STK32C: variants seen among roughly 807,000 people sequenced by gnomAD.
STK32C encodes the protein serine/threonine kinase 32C.
A neutral mutation model predicts 56.5 loss-of-function variants in STK32C; 31 were observed. That is an observed-to-expected ratio of 0.55 (90% CI 0.41 to 0.74). STK32C has a LOEUF of 0.74. STK32C is among the 30% of genes least tolerant of loss of function. The probability of loss-of-function intolerance (pLI) is 0.00; values close to 1 mark genes in which losing one functional copy is unlikely to be tolerated. For synonymous variants in STK32C, 309 were observed against 289.4 expected (o/e 1.07, Z -0.69); for missense variants, 544 against 676.9 (o/e 0.80, Z 2.18).
intron 1 of STK32C, chr10:132,249,003 C>A: frequency 2.2e-6 from 1 of 463,698 alleles, no homozygotes; most frequent in Non-Finnish European, 4.3e-6. Context: ...GGAGTCACGG[C>A]AATTGGGTCA....
intron 2 of STK32C, among the ~76,000 whole-genome samples, chr10:132,238,051 T>C (rs1173018401): frequency 6.6e-6 from 1 of 151,900 alleles, no homozygotes; most frequent in Admixed American, 6.6e-5. Context: ...AGGCAGCTGC[T>C]AAGCTGGGCC....
chr10:132,226,719 T>G (rs2062905460), intron 4 of STK32C, 76 bp downstream of exon 4: 3 of 1,540,162 alleles, frequency 1.9e-6, no homozygotes, highest in Non-Finnish European at 2.6e-6. Context: ...ACGGCCGCCG[T>G]GCCGGCAGCC....
chr10:132,227,481 G>A (rs535830532), intron 3 of STK32C, among the ~76,000 whole-genome samples: 3 of 152,202 alleles, frequency 2.0e-5, no homozygotes, highest in Admixed American at 6.5e-5. Context: ...GGGTGGTGGT[G>A]ATGGTGATAA....
intron 1 of STK32C, among the ~76,000 whole-genome samples, chr10:132,278,861 A>G (rs1382704367): frequency 6.6e-6 from 1 of 152,196 alleles, no homozygotes; most frequent in Non-Finnish European, 1.5e-5. Flanking sequence ...GAACTTATAC[A>G]GATTATTGAG....
At position 132,227,241 on chromosome 10, in the gene STK32C, T is replaced by A. The variant is rs188929120; in HGVS notation, c.471-273A>T. Among the ~76,000 whole-genome samples the A allele has an allele frequency of 5.9e-5, 9 of 152,368 alleles. No individual in the cohort carries two copies. In the East Asian group the frequency reaches 1.7e-3, roughly 29 times the overall value. ...GGGAGTGGCAAATGCAGAGCAGAGCTACAGTGCCAGCTCCGGGTGCTTCAG... is the reference window on the plus strand; with the variant it reads ...GGGAGTGGCAAATGCAGAGCAGAGCAACAGTGCCAGCTCCGGGTGCTTCAG... On this transcript the variant is annotated intron_variant, in intron 3 of 11. Transcript: ENST00000298630.
chr10:132,278,893 G>C (rs939942065), intron 1 of STK32C, among the ~76,000 whole-genome samples: 1 of 152,110 alleles, frequency 6.6e-6, no homozygotes, highest in African/African-American at 2.4e-5. Flanking sequence ...AACAGGAGAC[G>C]GGGCAGAGGC....
At chr10:132,225,027 G>C (rs533637770) in intron 7 of STK32C, among the ~76,000 whole-genome samples, 3 of 152,206 alleles carry the variant, frequency 2.0e-5, no homozygotes, top group Non-Finnish European at 2.9e-5. Flanking sequence ...CAGCGGCCCC[G>C]GGAAACCACA....
At chr10:132,279,727 A>G (rs571063062) in intron 1 of STK32C, among the ~76,000 whole-genome samples, 50 of 151,194 alleles carry the variant, frequency 3.3e-4, no homozygotes, top group South Asian at 1.0e-3. Flanking sequence ...CTCCCTGATC[A>G]CACCACTGCA....
intron 1 of STK32C, among the ~76,000 whole-genome samples, chr10:132,301,523 C>A (rs2065910443): frequency 6.6e-6 from 1 of 152,198 alleles, no homozygotes; most frequent in South Asian, 2.1e-4. Context: ...CAAGGCCCCG[C>A]AGTGGGCTCG....
chr10:132,237,544 C>T (rs1327480698), intron 2 of STK32C, among the ~76,000 whole-genome samples: 1 of 152,290 alleles, frequency 6.6e-6, no homozygotes, highest in African/African-American at 2.4e-5. Context: ...CCTTCCTAAG[C>T]AGACTCTGCG....
chr10:132,215,045 G>A (rs554279427), intron 10 of STK32C, among the ~76,000 whole-genome samples: 10 of 152,258 alleles, frequency 6.6e-5, no homozygotes, highest in South Asian at 6.2e-4. Context: ...ACAAGACAGC[G>A]TGTCTCTCTG....
chr10:132,303,525 G>A (rs1158724928), intron 1 of STK32C, among the ~76,000 whole-genome samples: 1 of 152,202 alleles, frequency 6.6e-6, no homozygotes, highest in Non-Finnish European at 1.5e-5. Context: ...GGAAGCTGCT[G>A]AAGGCTCAGC....
chr10:132,329,664 G>A (rs1238264612), intron 1 of STK32C, among the ~76,000 whole-genome samples: 1 of 152,196 alleles, frequency 6.6e-6, no homozygotes, highest in African/African-American at 2.4e-5. Context: ...ACCAATACTG[G>A]GAAGCGCAGT....
At chr10:132,296,949 G>A (rs960049243) in intron 1 of STK32C, among the ~76,000 whole-genome samples, 3 of 152,232 alleles carry the variant, frequency 2.0e-5, no homozygotes, top group African/African-American at 7.2e-5. Flanking sequence ...GGGGTGCAGG[G>A]AAGGAGAGGC....
intron 8 of STK32C, among the ~76,000 whole-genome samples, chr10:132,223,624 A>G (rs932541343): frequency 6.6e-6 from 1 of 152,128 alleles, no homozygotes; most frequent in Admixed American, 6.5e-5. Context: ...CAGAGTTAAG[A>G]GACTCTCGGG....
At chr10:132,325,149 CAT>C (rs1049687410) in intron 1 of STK32C, among the ~76,000 whole-genome samples, 2 of 152,258 alleles carry the variant, frequency 1.3e-5, no homozygotes, top group African/African-American at 2.4e-5. Flanking sequence ...TGAATTCCCA[CAT>C]GTTGTGGGAG....
At position 132,207,878 on chromosome 10, in the gene STK32C, T is replaced by C. The variant is rs1232288411; in HGVS notation, c.*132A>G. 9.3e-7 allele frequency: 1 copy of C among 1,073,460 alleles called. No individual in the cohort carries two copies. Among genetic ancestry groups the C allele is most frequent in the Non-Finnish European group, 1.2e-6 (1 of 840,292 alleles). The allele number at this position is 1,073,460 out of a possible 1,614,324, so 66.5% of individuals were successfully genotyped here. ...CACCACGAGCCTGAGGTGTGAAATG[T>C]GTCCGGGGCACTGTGGGCACCGCCA... On this transcript the variant is annotated 3_prime_UTR_variant, in exon 12 of 12. Transcript: ENST00000298630.
Position 132,307,516 on chromosome 10 carries a change from G to C in STK32C, c.262+56C>G. On this transcript the variant is annotated intron_variant, in intron 1 of 11. Transcript: ENST00000298630. This position sits in a 1 kb window ranked among gnomAD's most constrained non-coding sequence, Gnocchi z 4.4. Reference sequence around the variant, plus strand: ...CCCTGCGGGAAAAAGCCGCCCAGCCGCGCCCGCCCCTGCAATAGCGCGCGG... The same window carrying C: ...CCCTGCGGGAAAAAGCCGCCCAGCCCCGCCCGCCCCTGCAATAGCGCGCGG... 1 of 1,497,054 alleles carries C rather than the reference G, an allele frequency of 6.7e-7. No individual in the cohort carries two copies. Among genetic ancestry groups the C allele is most frequent in the African/African-American group, 1.5e-5 (1 of 68,524 alleles). 92.7% of individuals were successfully genotyped at this position (1,497,054 alleles called of 1,614,324 possible).
At chr10:132,221,419 C>G (rs1290762609) in intron 10 of STK32C, among the ~76,000 whole-genome samples, 1 of 128,498 alleles carries the variant, frequency 7.8e-6, no homozygotes, top group African/African-American at 3.0e-5. Context: ...CTGGGCTAGT[C>G]TGAGGGCTTC....
Sources: allele counts gnomAD v4.1 joint callset (sites outside exome capture counted in the v4.1 genomes callset), GRCh38; gene constraint gnomAD v4.1.1; non-coding constraint Gnocchi (gnomAD v3.1); transcripts MANE v1.5; gene names NCBI Gene and HGNC (gene_info 2026-07-23, HGNC 2026-07-21).